AGBL3: variants seen among roughly 807,000 people sequenced by gnomAD.
The protein encoded by AGBL3 is AGBL carboxypeptidase 3, also known as cytosolic carboxypeptidase 3.
Under a neutral mutation model 94.5 loss-of-function variants are expected in AGBL3, and 68 were observed. That is an observed-to-expected ratio of 0.72 (90% confidence interval 0.59 to 0.88). The LOEUF (loss-of-function observed/expected upper bound fraction) is 0.88. Ranked by LOEUF, AGBL3 falls within the 40% of genes least tolerant of loss-of-function variation. AGBL3 has a pLI of 0.00. For missense variants in AGBL3, 934 were observed against 1,103.8 expected (o/e 0.85, Z 2.18); for synonymous variants, 354 against 370.7 (o/e 0.95, Z 0.52).
At chr7:135,024,815 A>G (rs1291965087) in intron 5 of AGBL3, among the ~76,000 whole-genome samples, 1 of 148,488 alleles carries the variant, frequency 6.7e-6, no homozygotes, top group Admixed American at 6.8e-5. Flanking sequence ...GCTGGAATTG[A>G]AAAATTCACT....
intron 5 of AGBL3, among the ~76,000 whole-genome samples, chr7:135,031,693 T>C (rs1815763655): frequency 6.6e-6 from 1 of 152,244 alleles, no homozygotes; most frequent in Non-Finnish European, 1.5e-5. Flanking sequence ...TCCCCAATGC[T>C]AGGTCATGAC....
rs1022019458 is a variant in AGBL3, at chr7:135,134,953, G to T, written c.2455G>T (p.Val819Phe). 12 of 1,551,130 alleles carry T rather than the reference G, an allele frequency of 7.7e-6. No homozygotes were observed. The highest frequency in any genetic ancestry group is 6.8e-5 in the African/African-American group (5 of 73,094). The change falls in exon 17 of 17, where the codon GTC (valine) becomes TTC (phenylalanine). Residue 819 changes from valine to phenylalanine, a missense_variant. Coordinates refer to ENST00000436302, the MANE Select transcript of AGBL3 (RefSeq NM_178563.4). ...TGTTATGGCAAACTCTTCAGAATGGGTCCAGTCTAAGCCCCACAGGTCATT... is the reference window on the plus strand; with the variant it reads ...TGTTATGGCAAACTCTTCAGAATGGTTCCAGTCTAAGCCCCACAGGTCATT... ...GDVMANSSEW[V>F]QSKPHRSLES...
chr7:135,021,564 T>A (rs1236207628), intron 5 of AGBL3, among the ~76,000 whole-genome samples: 1 of 152,104 alleles, frequency 6.6e-6, no homozygotes, highest in Non-Finnish European at 1.5e-5. Flanking sequence ...AGTGCTGGGA[T>A]TACAGGCGTG....
chr7:135,012,527 C>T (rs2133468453), intron 4 of AGBL3: 1 of 151,922 alleles, frequency 6.6e-6, no homozygotes, highest in East Asian at 1.9e-4. Flanking sequence ...GTTTTTGGCC[C>T]TGTGAAATGT....
At position 135,021,063 on chromosome 7, in the gene AGBL3, A is replaced by AAG. The variant is rs1554496089; in HGVS notation, c.418+3905_418+3906insGA. Among the ~76,000 whole-genome samples, 663 of 150,738 alleles carry AAG rather than the reference A, an allele frequency of 4.4e-3. 4 individuals carry two copies. Among genetic ancestry groups the AAG allele is most frequent in the Middle Eastern group, 0.01 (3 of 286 alleles). ...CCTAGAACTTAAATAATAAAAAAAA[A>AAG]AAAAGACTATCCTATGACCTATTGA... On this transcript the variant is annotated intron_variant, in intron 5 of 16. Transcript: ENST00000436302.
rs575011209 is a variant in AGBL3, at chr7:134,994,552, G to A, written c.310+874G>A. Among the ~76,000 whole-genome samples, 18 of 152,158 alleles carry A rather than the reference G, an allele frequency of 1.2e-4. No homozygotes were observed. The South Asian group carries it at 1.7e-3, about 14-fold the overall frequency. Reference sequence around the variant, plus strand: ...TTCCACCTTTTGTTGATTGAGGCACGCAAACATATGTTATTGCCAGGTGGA... The same window carrying A: ...TTCCACCTTTTGTTGATTGAGGCACACAAACATATGTTATTGCCAGGTGGA... On this transcript the variant is annotated intron_variant, in intron 4 of 16. Coordinates refer to ENST00000436302, the MANE Select transcript of AGBL3 (RefSeq NM_178563.4).
At chr7:135,031,299 G>A (rs552256227) in intron 5 of AGBL3, among the ~76,000 whole-genome samples, 18 of 151,966 alleles carry the variant, frequency 1.2e-4, no homozygotes, top group East Asian at 1.2e-3. Flanking sequence ...TCGCTCTGTC[G>A]CCTAGGCTGG....
At chr7:134,997,451 G>A (rs1811150519) in intron 4 of AGBL3, among the ~76,000 whole-genome samples, 1 of 152,178 alleles carries the variant, frequency 6.6e-6, no homozygotes, top group African/African-American at 2.4e-5. Context: ...CAGCCATAAT[G>A]TGAGATAATA....
chr7:135,130,204 C>CAGTT (rs1319388910), intron 16 of AGBL3, among the ~76,000 whole-genome samples: 2 of 152,206 alleles, frequency 1.3e-5, no homozygotes, highest in African/African-American at 4.8e-5. Flanking sequence ...TCTGCCAAGT[C>CAGTT]AGTTCTCTCT....
At chr7:135,017,344 G>C in intron 5 of AGBL3, 185 bp downstream of exon 5, 1 of 560,372 alleles carries the variant, frequency 1.8e-6, no homozygotes, top group Non-Finnish European at 3.2e-6. Context: ...AAGGTGTATT[G>C]CAGTTTATGC....
chr7:135,034,298 G>A lies in AGBL3; in HGVS notation c.707G>A (p.Ser236Asn). The change falls in exon 7 of 17, where the codon AGT (serine) becomes AAT (asparagine). Residue 236 changes from serine to asparagine, a missense_variant. Physicochemically the swap from Ser to Asn is conservative, Grantham distance 46. This residue lies in a region of AGBL3 where 488 missense variants were observed against 563.6 expected (regional missense o/e 0.87). Transcript: ENST00000436302. ...TTCACCAAACCTGCTAGTCTTTACAGTCGGGGTATGCGCCCACTGTTCTAT... is the reference window on the plus strand; with the variant it reads ...TTCACCAAACCTGCTAGTCTTTACAATCGGGGTATGCGCCCACTGTTCTAT... ...VNFTKPASLY[S>N]RGMRPLFYSE... 1 of 1,551,750 alleles carries A rather than the reference G, an allele frequency of 6.4e-7. No individual in the cohort carries two copies. Among genetic ancestry groups the A allele is most frequent in the African/African-American group, 1.4e-5 (1 of 73,168 alleles).
intron 15 of AGBL3, among the ~76,000 whole-genome samples, chr7:135,087,604 G>A (rs1585042965): frequency 6.6e-6 from 1 of 151,926 alleles, no homozygotes; most frequent in Non-Finnish European, 1.5e-5. Flanking sequence ...GAAGTATGTT[G>A]TCTAATTTCC....
At chr7:135,120,271 T>C (rs111243584) in intron 16 of AGBL3, among the ~76,000 whole-genome samples, 13 of 152,346 alleles carry the variant, frequency 8.5e-5, no homozygotes, top group African/African-American at 3.1e-4. Flanking sequence ...AAAATTATAA[T>C]ATTGATGTGG....
intron 5 of AGBL3, among the ~76,000 whole-genome samples, chr7:135,028,084 T>A (rs1389115012): frequency 6.6e-6 from 1 of 151,690 alleles, no homozygotes. Context: ...TGCTAAAAAA[T>A]TAAAATTATC....
At chr7:135,047,283 CATTT>C (rs199948121) in intron 11 of AGBL3, among the ~76,000 whole-genome samples, 1,680 of 152,030 alleles carry the variant, frequency 0.011, 100 homozygotes, top group Admixed American at 0.1. Flanking sequence ...TTTATCCATT[CATTT>C]GTCAAAAGAT....
At chr7:135,037,316 G>C in intron 7 of AGBL3, 102 bp from the exon 8 acceptor site, 1 of 989,536 alleles carries the variant, frequency 1.0e-6, no homozygotes, top group Admixed American at 3.5e-5. Flanking sequence ...TAGGATATAA[G>C]AAATTGTATT....
At chr7:135,023,920 C>A (rs1584868603) in intron 5 of AGBL3, among the ~76,000 whole-genome samples, 6 of 152,378 alleles carry the variant, frequency 3.9e-5, no homozygotes, top group South Asian at 4.1e-4. Context: ...CAGTGCTCAA[C>A]CCCAAGGGGC....
intron 11 of AGBL3, among the ~76,000 whole-genome samples, chr7:135,052,152 T>C (rs1817934175): frequency 6.6e-6 from 1 of 152,174 alleles, no homozygotes; most frequent in Non-Finnish European, 1.5e-5. Context: ...CATTAATTTT[T>C]TTTACTTATT....
At chr7:135,041,963 A>G (rs1022570428) in intron 8 of AGBL3, among the ~76,000 whole-genome samples, 5 of 152,166 alleles carry the variant, frequency 3.3e-5, no homozygotes, top group African/African-American at 7.2e-5. Context: ...GCAAAGTAAA[A>G]CCATGAGGAG....
Sources: gnomAD v4.1 joint callset for allele counts (sites outside exome capture counted in the v4.1 genomes callset) on GRCh38, gnomAD v4.1.1 for gene constraint, gnomAD v4.1.1 regional missense constraint, MANE v1.5 for transcripts, NCBI Gene and HGNC (gene_info 2026-07-23, HGNC 2026-07-21) for gene names.